The following JCAD variants were observed in gnomAD, a reference collection of about 807,000 sequenced individuals.
JCAD encodes the protein junctional cadherin 5-associated protein.
JCAD carries 40 observed loss-of-function variants against 98.0 expected under a neutral mutation model. The ratio of observed to expected loss-of-function variants is 0.41; its 90% CI spans 0.32 to 0.53. The LOEUF is 0.53. JCAD is among the 20% of genes least tolerant of loss of function. JCAD has a pLI of 0.31. For missense variants in JCAD, 1,705 were observed against 1,738.1 expected, an observed-to-expected ratio of 0.98 and a Z score of 0.34; for synonymous variants, 691 against 682.3, an observed-to-expected ratio of 1.01 and a Z score of -0.20.
Position 30,016,704 on chromosome 10 carries a change from C to T in JCAD, c.*1179G>A, listed in dbSNP as rs1836542192. On this transcript the variant is annotated 3_prime_UTR_variant, in exon 4 of 4. Coordinates refer to ENST00000375377, the MANE Select transcript of JCAD (RefSeq NM_020848.4). ...GAAAAGCATGGTCTCAGGGTAGATC[C>T]CCACACACATACAAAGATAAAACTA... is the stretch of plus-strand genomic sequence containing the variant. The T allele has an allele frequency of 6.6e-6, 1 of 151,778 alleles. No individual in the cohort carries two copies. The highest frequency in any genetic ancestry group is 2.4e-5 in the African/African-American group (1 of 41,296). The allele number at this position is 151,778 out of a possible 1,614,324, so 9.4% of individuals were successfully genotyped here.
intron 2 of JCAD, among the ~76,000 whole-genome samples, chr10:30,064,712 C>T (rs1056178056): frequency 1.3e-5 from 2 of 151,898 alleles, no homozygotes; most frequent in African/African-American, 4.8e-5. Context: ...CGCTCTATCA[C>T]CCAGGCTAGA....
chr10:30,112,898 A>G (rs900686143), intron 1 of JCAD, among the ~76,000 whole-genome samples: 26 of 149,852 alleles, frequency 1.7e-4, no homozygotes, highest in African/African-American at 3.2e-4. Context: ...AAATCCATAG[A>G]GATGAAATGC....
At chr10:30,022,706 G>A (rs1439772240) in intron 3 of JCAD, among the ~76,000 whole-genome samples, 5 of 152,232 alleles carry the variant, frequency 3.3e-5, no homozygotes, top group South Asian at 2.1e-4. Flanking sequence ...ATGGTCATGC[G>A]CCACAGAACA....
At chr10:30,030,085 G>T (rs969211319) in intron 2 of JCAD, among the ~76,000 whole-genome samples, 1 of 152,220 alleles carries the variant, frequency 6.6e-6, no homozygotes, top group Non-Finnish European at 1.5e-5. Context: ...GCAGTGGGCA[G>T]CCCACAAGAA....
chr10:30,105,166 C>A (rs1838551011), intron 1 of JCAD, among the ~76,000 whole-genome samples: 1 of 152,064 alleles, frequency 6.6e-6, no homozygotes, highest in Non-Finnish European at 1.5e-5. Context: ...ATCCAGTTGG[C>A]AATGATTTCT....
intron 2 of JCAD, among the ~76,000 whole-genome samples, chr10:30,040,755 A>G (rs957275596): frequency 2.0e-5 from 3 of 152,168 alleles, no homozygotes; most frequent in Non-Finnish European, 4.4e-5. Flanking sequence ...CCCACCAGTG[A>G]CACCCCCAGT....
At chr10:30,093,574 G>C (rs1838319235) in intron 1 of JCAD, among the ~76,000 whole-genome samples, 1 of 152,210 alleles carries the variant, frequency 6.6e-6, no homozygotes, top group Non-Finnish European at 1.5e-5. Flanking sequence ...GGATTGCTTG[G>C]TGCCTTCTGT....
At position 30,028,212 on chromosome 10, in the gene JCAD, C is replaced by G; in HGVS notation, c.1936G>C (p.Glu646Gln). 1 of 1,614,168 alleles carries G rather than the reference C, an allele frequency of 6.2e-7. No individual in the cohort carries two copies. Among genetic ancestry groups the G allele is most frequent in the South Asian group, 1.1e-5 (1 of 91,082 alleles). Residue 646 changes from glutamate (E) to glutamine (Q), a missense_variant, in exon 3 of 4, where the codon GAG (glutamate) becomes CAG (glutamine). Transcript: ENST00000375377. ...ALTGSMGGRT[E>Q]FQKQDLGEPE... ...TCCCCTAGATCTTGTTTTTGGAACTCCGTTCTCCCACCCATGCTTCCTGTG... is the reference window on the plus strand; with the variant it reads ...TCCCCTAGATCTTGTTTTTGGAACTGCGTTCTCCCACCCATGCTTCCTGTG...
At chr10:30,048,343 T>TA (rs1161085681) in intron 1 of JCAD, among the ~76,000 whole-genome samples, 2 of 152,180 alleles carry the variant, frequency 1.3e-5, no homozygotes, top group African/African-American at 2.4e-5. Flanking sequence ...CTTGTAGACA[T>TA]ACCTTCTGCT....
At chr10:30,110,237 C>A (rs1342759697) in intron 1 of JCAD, among the ~76,000 whole-genome samples, 2 of 151,418 alleles carry the variant, frequency 1.3e-5, no homozygotes, top group African/African-American at 4.9e-5. Context: ...GATGTGTGAA[C>A]CTCCTGATGT....
Position 30,028,359 on chromosome 10 carries a change from CTCTA to C in JCAD, c.1785_1788del (p.Asp595GlufsTer8), listed in dbSNP as rs772981367. 6.2e-7 allele frequency: 1 copy of C among 1,614,222 alleles called. No individual in the cohort carries two copies. Among genetic ancestry groups the C allele is most frequent in the South Asian group, 1.1e-5 (1 of 91,082 alleles). On this transcript the variant is annotated frameshift_variant, in exon 3 of 4. Transcript: ENST00000375377. LOFTEE classifies it high-confidence loss of function. Reference sequence around the variant, plus strand: ...GGCTTTAAGTCATTGTTGTCCATATCTCTATCTGGCAGATGTGATTCTGATTTCA... The same window carrying C: ...GGCTTTAAGTCATTGTTGTCCATATCTCTGGCAGATGTGATTCTGATTTCA...
chr10:30,088,097 C>G lies in JCAD; in HGVS notation n.129-18276G>C, dbSNP rs181050282. Among the ~76,000 whole-genome samples, 365 of 152,304 alleles carry G rather than the reference C, an allele frequency of 2.4e-3. 3 individuals carry two copies. Among genetic ancestry groups the G allele is most frequent in the South Asian group, 2.1e-3 (10 of 4,824 alleles). ...CTCATGATCCACCTGCCTTGGCCTCCCAAAGTGCTGGGATTACAGGCGTGA... is the reference window on the plus strand; with the variant it reads ...CTCATGATCCACCTGCCTTGGCCTCGCAAAGTGCTGGGATTACAGGCGTGA... On this transcript the variant is annotated intron_variant and non_coding_transcript_variant, in intron 1 of 2. Transcript: ENST00000465712.
At chr10:30,085,759 G>A (rs1032617938) in intron 1 of JCAD, among the ~76,000 whole-genome samples, 7 of 152,148 alleles carry the variant, frequency 4.6e-5, no homozygotes, top group South Asian at 2.1e-4. Context: ...TCTAGCATCC[G>A]TCATGACTTA....
chr10:30,098,464 A>G (rs1017333903), intron 1 of JCAD, among the ~76,000 whole-genome samples: 17 of 152,208 alleles, frequency 1.1e-4, no homozygotes, highest in African/African-American at 4.1e-4. Flanking sequence ...ATTTCTTCCC[A>G]GCAAATACCT....
Position 30,016,732 on chromosome 10 carries a change from T to C in JCAD, c.*1151A>G, listed in dbSNP as rs879151888. ...ACACACATACAAAGATAAAACTATG[T>C]TTTTTGGTAATTCTAGTTGATACGG... On this transcript the variant is annotated 3_prime_UTR_variant, in exon 4 of 4. Transcript: ENST00000375377. 2.6e-5 allele frequency: 4 copies of C among 152,276 alleles called. No individual in the cohort carries two copies. The East Asian group carries it at 5.8e-4, about 22-fold the overall frequency. 9.4% of individuals were successfully genotyped at this position (152,276 alleles called of 1,614,324 possible).
chr10:30,026,606 A>G lies in JCAD; in HGVS notation c.3542T>C (p.Val1181Ala). Residue 1181 changes from valine to alanine, a missense_variant, in exon 3 of 4, where the codon GTT (valine) becomes GCT (alanine). Around this residue, in one of 3 missense-constraint regions of JCAD, gnomAD observed 1,278 missense variants for 1,243.1 expected, o/e 1.03. Coordinates refer to ENST00000375377, the MANE Select transcript of JCAD (RefSeq NM_020848.4). ...QAFEHSDVDGVVTSTDPVPEP... is the reference protein window; with the variant it reads ...QAFEHSDVDGAVTSTDPVPEP... Reference sequence around the variant, plus strand: ...AGGGACAGGGTCTGTGCTGGTGACAACCCCGTCCACATCTGAGTGCTCAAA... The same window carrying G: ...AGGGACAGGGTCTGTGCTGGTGACAGCCCCGTCCACATCTGAGTGCTCAAA... 6.2e-7 allele frequency: 1 copy of G among 1,613,432 alleles called. No homozygotes were observed. The highest frequency in any genetic ancestry group is 8.5e-7 in the Non-Finnish European group (1 of 1,179,956).
upstream of JCAD, among the ~76,000 whole-genome samples, chr10:30,062,986 T>C (rs1589701517): frequency 1.3e-5 from 2 of 152,120 alleles, no homozygotes; most frequent in South Asian, 4.1e-4. Context: ...GAAAATCCAC[T>C]GGGCCAGTTT....
Position 30,028,867 on chromosome 10 carries a change from A to C in JCAD, c.1281T>G (p.Asp427Glu), listed in dbSNP as rs1470365964. The stretch of plus-strand genomic sequence containing the variant: ...GTTTAAAATGTCGTAACCGTGGATC[A>C]TCAAAGGGAATGTACTGAACGAAGC... ...YDGFVQYIPFDDPRLRHFKLA... is the reference protein window; with the variant it reads ...YDGFVQYIPFEDPRLRHFKLA... The change falls in exon 3 of 4, where the codon GAT becomes GAG. Residue 427 changes from aspartate (D) to glutamate (E), a missense_variant. Around this residue, in one of 3 missense-constraint regions of JCAD, gnomAD observed 1,278 missense variants for 1,243.1 expected, o/e 1.03. Transcript: ENST00000375377. The C allele has an allele frequency of 6.2e-7, 1 of 1,614,232 alleles. No homozygotes were observed. The highest frequency in any genetic ancestry group is 1.3e-5 in the African/African-American group (1 of 75,064).
At position 30,047,614 on chromosome 10, in the gene JCAD, T is replaced by C. The variant is rs374307085; in HGVS notation, c.199A>G (p.Ser67Gly). 6.2e-7 allele frequency: 1 copy of C among 1,613,900 alleles called. No individual in the cohort carries two copies. Among genetic ancestry groups the C allele is most frequent in the Non-Finnish European group, 8.5e-7 (1 of 1,180,000 alleles). Residue 67 changes from serine (S) to glycine (G), a missense_variant, in exon 2 of 4, where the codon AGT (serine) becomes GGT (glycine). Physicochemically the swap from Ser to Gly is moderately conservative, Grantham distance 56. Around this residue, in one of 3 missense-constraint regions of JCAD, gnomAD observed 152 missense variants for 148.0 expected, o/e 1.03. Transcript: ENST00000375377. ...GTGCTGCGGCGGCTTTCGGAGTCAC[T>C]CACATGTCCTTTCCCCGCGGACGTC... The part of the protein sequence containing the change: ...RKTSAGKGHV[S>G]DSESRRSTPR...
Sources: gnomAD v4.1 joint callset for allele counts (sites outside exome capture counted in the v4.1 genomes callset) on GRCh38, gnomAD v4.1.1 for gene constraint, gnomAD v4.1.1 regional missense constraint, MANE v1.5 for transcripts, NCBI Gene and HGNC (gene_info 2026-07-23, HGNC 2026-07-21) for gene names.